Variants in BICRA observed in about 807,000 individuals in gnomAD.
BICRA encodes BRD4 interacting chromatin remodeling complex associated protein, also known as BRD4-interacting chromatin-remodeling complex-associated protein.
BICRA carries 31 observed loss-of-function variants against 96.9 expected under a neutral mutation model. That is an observed-to-expected ratio of 0.32 (90% CI 0.24 to 0.43). The LOEUF is 0.43. Ranked by LOEUF, BICRA falls within the 20% of genes least tolerant of loss-of-function variation. The probability of loss-of-function intolerance (pLI) is 1.00; values close to 1 mark genes in which losing one functional copy is unlikely to be tolerated. For missense variants in BICRA, 2,283 were observed against 2,190.3 expected (o/e 1.04, Z -0.84); for synonymous variants, 1,350 against 1,071.8 (o/e 1.26, Z -5.07).
chr19:47,694,945 G>T lies in BICRA; in HGVS notation c.2941G>T (p.Ala981Ser). 1 of 1,537,544 alleles carries T rather than the reference G, an allele frequency of 6.5e-7. No homozygotes were observed. Among genetic ancestry groups the T allele is most frequent in the South Asian group, 1.2e-5 (1 of 81,712 alleles). Residue 981 changes from alanine to serine, a missense_variant, in exon 9 of 15, where the codon GCC (alanine) becomes TCC (serine). Coordinates refer to ENST00000594866, the MANE Select transcript of BICRA (RefSeq NM_001394372.1). ...CCAGAACAAGGCTGGGGGGGCCCCT[G>T]CCGCCCCGCAGACCTCCACCAGCCT... is the stretch of plus-strand genomic sequence containing the variant. ...ILQNKAGGAP[A>S]APQTSTSLGP...
In BICRA at chr19:47,649,647, C is replaced by A. The variant is rs73943836; in HGVS notation, c.-107-20796C>A. 7.0e-3 allele frequency among the ~76,000 whole-genome samples: 1,062 copies of A among 152,206 alleles called. 20 individuals are homozygous for A. Among genetic ancestry groups the A allele is most frequent in the African/African-American group, 0.024 (992 of 41,508 alleles). ...CAGAGAGTCCAGAAGGAGAACCAGGCACATTAAGACATGGTATGAGGTCGA... is the reference window on the plus strand; with the variant it reads ...CAGAGAGTCCAGAAGGAGAACCAGGAACATTAAGACATGGTATGAGGTCGA... On this transcript the variant is annotated intron_variant, in intron 1 of 14. Transcript: ENST00000594866.
At chr19:47,667,956 C>T (rs929226842) in intron 1 of BICRA, among the ~76,000 whole-genome samples, 25 of 152,078 alleles carry the variant, frequency 1.6e-4, no homozygotes, top group African/African-American at 5.8e-4. Flanking sequence ...GGGTGGGGTG[C>T]GGTGGCTCAT....
At chr19:47,610,612 C>T (rs1202012837) in intron 1 of BICRA, among the ~76,000 whole-genome samples, 2 of 140,182 alleles carry the variant, frequency 1.4e-5, no homozygotes, top group Admixed American at 6.9e-5. Flanking sequence ...TTTGTCACCC[C>T]CCCCCCACAC....
chr19:47,657,617 C>T (rs1461291722), intron 1 of BICRA, among the ~76,000 whole-genome samples: 1 of 151,928 alleles, frequency 6.6e-6, no homozygotes, highest in African/African-American at 2.4e-5. Flanking sequence ...AGGATGGTCT[C>T]GATCTCCTGA....
intron 1 of BICRA, among the ~76,000 whole-genome samples, chr19:47,630,385 G>T (rs1347021716): frequency 6.6e-6 from 1 of 151,336 alleles, no homozygotes; most frequent in Non-Finnish European, 1.5e-5. Flanking sequence ...TGTTAGCCAG[G>T]ATGGTCTCCA....
intron 1 of BICRA, among the ~76,000 whole-genome samples, chr19:47,639,859 G>A (rs1003155979): frequency 2.0e-5 from 3 of 150,774 alleles, no homozygotes; most frequent in African/African-American, 7.3e-5. Flanking sequence ...GCCCAGGCTG[G>A]TCTCAAATTC....
chr19:47,612,584 T>C (rs1971924474), intron 1 of BICRA, among the ~76,000 whole-genome samples: 1 of 151,924 alleles, frequency 6.6e-6, no homozygotes, highest in African/African-American at 2.4e-5. Flanking sequence ...TTCAGCACTT[T>C]ACCCATGCGG....
At chr19:47,669,967 T>A (rs1192159726) in intron 1 of BICRA, among the ~76,000 whole-genome samples, 1 of 150,806 alleles carries the variant, frequency 6.6e-6, no homozygotes, top group African/African-American at 2.4e-5. Context: ...GATTTTTTTA[T>A]TTTTGAGACA....
chr19:47,693,550 C>A (rs999010178), intron 7 of BICRA, among the ~76,000 whole-genome samples: 1 of 152,252 alleles, frequency 6.6e-6, no homozygotes, highest in Non-Finnish European at 1.5e-5. Context: ...TCCGTATTCT[C>A]GGCAGCCCCC....
At chr19:47,639,466 A>G (rs1972351132) in intron 1 of BICRA, among the ~76,000 whole-genome samples, 1 of 151,100 alleles carries the variant, frequency 6.6e-6, no homozygotes, top group Non-Finnish European at 1.5e-5. Context: ...AGCTGGGACT[A>G]CAGGCGCCCG....
At chr19:47,681,414 G>C (rs1037547501) in intron 6 of BICRA, 138 bp downstream of exon 6, 1 of 793,730 alleles carries the variant, frequency 1.3e-6, no homozygotes, top group African/African-American at 1.7e-5. Flanking sequence ...TCATGGCACA[G>C]GTGGCCCCTA....
At chr19:47,651,278 C>A (rs577412551) in intron 1 of BICRA, among the ~76,000 whole-genome samples, 1 of 152,068 alleles carries the variant, frequency 6.6e-6, no homozygotes, top group African/African-American at 2.4e-5. Context: ...TGTCTGACCT[C>A]GCCTCTCCTG....
intron 1 of BICRA, among the ~76,000 whole-genome samples, chr19:47,615,372 G>T (rs1478002160): frequency 6.6e-6 from 1 of 152,194 alleles, no homozygotes; most frequent in South Asian, 2.1e-4. Flanking sequence ...CAGGCTGCAC[G>T]TGTCTTTGCC....
chr19:47,695,544 AGGG>A, intron 10 of BICRA, 70 bp downstream of exon 10: 3 of 735,398 alleles, frequency 4.1e-6, no homozygotes, highest in Non-Finnish European at 7.2e-6. Flanking sequence ...TGGGGCTGGC[AGGG>A]GCAGGGAGAC....
intron 1 of BICRA, among the ~76,000 whole-genome samples, chr19:47,651,508 G>A (rs1430326736): frequency 6.6e-6 from 1 of 152,050 alleles, no homozygotes; most frequent in East Asian, 1.9e-4. Context: ...TCCTCGGGAC[G>A]CTGTCTCTTG....
intron 8 of BICRA, 40 bp downstream of exon 8, chr19:47,694,766 C>CAA: frequency 2.4e-6 from 2 of 822,632 alleles, no homozygotes; most frequent in Middle Eastern, 2.5e-4. Flanking sequence ...TCAGCCCCAT[C>CAA]CCATCCCACC....
upstream of BICRA, chr19:47,609,089 G>C (rs1362511296): frequency 2.0e-5 from 3 of 148,192 alleles, no homozygotes; most frequent in East Asian, 2.0e-4. Context: ...CCGGCCGGCC[G>C]GCCCCTTCTG....
At chr19:47,656,840 A>G (rs1972625994) in intron 1 of BICRA, among the ~76,000 whole-genome samples, 1 of 151,488 alleles carries the variant, frequency 6.6e-6, no homozygotes, top group Non-Finnish European at 1.5e-5. Context: ...CCCACTATAA[A>G]TCAGTTCTGG....
intron 1 of BICRA, among the ~76,000 whole-genome samples, chr19:47,659,909 C>G (rs1462647707): frequency 6.6e-6 from 1 of 152,082 alleles, no homozygotes; most frequent in African/African-American, 2.4e-5. Context: ...ACTAGCATAC[C>G]TGGCTAATTT....
Sources: allele counts gnomAD v4.1 joint callset (sites outside exome capture counted in the v4.1 genomes callset), GRCh38; gene constraint gnomAD v4.1.1; transcripts MANE v1.5; gene names NCBI Gene and HGNC (gene_info 2026-07-23, HGNC 2026-07-21).